Variants in SLC71A2 observed in about 807,000 individuals in gnomAD.
SLC71A2 encodes the protein solute carrier family 71 member 2, also known as hippocampus abundant transcript-like 1.
At chr9:94,448,443 G>A in the SLC71A2 span, among the ~76,000 whole-genome samples, 1 of 152,076 alleles carries the variant, frequency 6.6e-6, no homozygotes, top group Non-Finnish European at 1.5e-5. Flanking sequence ...GCATCCTGTG[G>A]TCTTTTACTG....
At chr9:94,422,693 C>T in the SLC71A2 span, among the ~76,000 whole-genome samples, 1 of 152,102 alleles carries the variant, frequency 6.6e-6, no homozygotes, top group African/African-American at 2.4e-5. Context: ...TTCCTAACGA[C>T]CAATGAAGTT....
the SLC71A2 span, among the ~76,000 whole-genome samples, chr9:94,385,845 G>A: frequency 6.6e-5 from 10 of 151,948 alleles, no homozygotes; most frequent in African/African-American, 9.7e-5. Context: ...AATTCCATAT[G>A]AATTTGAGGT....
the SLC71A2 span, among the ~76,000 whole-genome samples, chr9:94,447,479 CTGTTTTTTT>C: frequency 7.6e-6 from 1 of 131,566 alleles, no homozygotes; most frequent in Non-Finnish European, 1.6e-5. Flanking sequence ...TGTGCCCAGC[CTGTTTTTTT>C]TTTTTTTTTT....
the SLC71A2 span, among the ~76,000 whole-genome samples, chr9:94,429,987 G>C: frequency 1.4e-5 from 2 of 146,470 alleles, no homozygotes; most frequent in African/African-American, 5.0e-5. Context: ...GCTCACTGCA[G>C]CATCCGCCTC....
the SLC71A2 span, among the ~76,000 whole-genome samples, chr9:94,426,090 G>A: frequency 6.7e-6 from 1 of 148,178 alleles, no homozygotes; most frequent in Non-Finnish European, 1.5e-5. Flanking sequence ...CTTGCTCTGT[G>A]AAAGTGTGGA....
At chr9:94,451,403 TTATTA>T in the SLC71A2 span, 1 of 875,740 alleles carries the variant, frequency 1.1e-6, no homozygotes, top group Non-Finnish European at 1.7e-6. Context: ...ATAATATTTC[TTATTA>T]TTTTATAATA....
chr9:94,375,929 TGCGCACTCTGGACAGG>T, the SLC71A2 span, among the ~76,000 whole-genome samples: 2 of 140,104 alleles, frequency 1.4e-5, no homozygotes, highest in Non-Finnish European at 3.1e-5. Flanking sequence ...GCCTGAACAG[TGCGCACTCTGGACAGG>T]GTATTGAAAC....
the SLC71A2 span, chr9:94,446,824 C>T: frequency 1.3e-6 from 2 of 1,547,632 alleles, no homozygotes; most frequent in Non-Finnish European, 1.8e-6. Context: ...TATTCTCAGT[C>T]GTTGAAGAAA....
chr9:94,391,980 C>T, the SLC71A2 span, among the ~76,000 whole-genome samples: 7 of 151,974 alleles, frequency 4.6e-5, no homozygotes, highest in Admixed American at 6.6e-5. Context: ...GGCTTCCCAA[C>T]GTGTTGGGAT....
the SLC71A2 span, among the ~76,000 whole-genome samples, chr9:94,381,518 A>C: frequency 6.6e-6 from 1 of 152,330 alleles, no homozygotes; most frequent in South Asian, 2.1e-4. Flanking sequence ...CGATTTGTAC[A>C]TTCCCTTGTT....
chr9:94,449,184 T>C, the SLC71A2 span, among the ~76,000 whole-genome samples: 2 of 152,224 alleles, frequency 1.3e-5, no homozygotes, highest in Non-Finnish European at 1.5e-5. Flanking sequence ...GCTTTTCTCC[T>C]ACACATATGC....
chr9:94,459,155 C>A, the SLC71A2 span: 3 of 1,611,384 alleles, frequency 1.9e-6, no homozygotes, highest in South Asian at 2.2e-5. Flanking sequence ...TTTCCACGTT[C>A]AACAGGGAGC....
At chr9:94,438,292 T>C in the SLC71A2 span, 1 of 1,335,318 alleles carries the variant, frequency 7.5e-7, no homozygotes, top group Non-Finnish European at 1.0e-6. Flanking sequence ...TATTATTCTG[T>C]TTTGGGGGCA....
the SLC71A2 span, among the ~76,000 whole-genome samples, chr9:94,424,941 G>C: frequency 6.7e-6 from 1 of 150,206 alleles, no homozygotes; most frequent in South Asian, 2.1e-4. Context: ...TCGGGTTTCA[G>C]CGAGGCTGGT....
chr9:94,459,596 T>A, the SLC71A2 span: 1 of 236,202 alleles, frequency 4.2e-6, no homozygotes, highest in Non-Finnish European at 7.5e-6. Context: ...TCTTACATTC[T>A]TTTTTTTTTT....
chr9:94,449,904 T>C, the SLC71A2 span, among the ~76,000 whole-genome samples: 1 of 152,224 alleles, frequency 6.6e-6, no homozygotes, highest in Non-Finnish European at 1.5e-5. Flanking sequence ...GAAGTACAGA[T>C]ACGTGCTACA....
At chr9:94,386,864 C>A in the SLC71A2 span, among the ~76,000 whole-genome samples, 4 of 152,090 alleles carry the variant, frequency 2.6e-5, no homozygotes, top group African/African-American at 9.6e-5. Context: ...TATTTTTTTT[C>A]CACTTTGTTA....
the SLC71A2 span, among the ~76,000 whole-genome samples, chr9:94,380,868 G>A: frequency 1.2e-5 from 1 of 84,454 alleles, no homozygotes; most frequent in Non-Finnish European, 2.6e-5. Flanking sequence ...TGTTTGGAGT[G>A]CACAGTTTTG....
the SLC71A2 span, among the ~76,000 whole-genome samples, chr9:94,414,500 A>C: frequency 1.5e-4 from 23 of 152,240 alleles, no homozygotes; most frequent in South Asian, 8.3e-4. Context: ...CTTATTATGT[A>C]GGTAAAGAAA....
Sources: gnomAD v4.1 joint callset for allele counts (sites outside exome capture counted in the v4.1 genomes callset) on GRCh38, gnomAD v4.1.1 for gene constraint, MANE v1.5 for transcripts, NCBI Gene and HGNC (gene_info 2026-07-23, HGNC 2026-07-21) for gene names.